The following CHTF18 variants were observed in gnomAD, a reference collection of about 807,000 sequenced individuals.
CHTF18 encodes the protein chromosome transmission fidelity protein 18 homolog.
Under a neutral mutation model 113.4 loss-of-function variants are expected in CHTF18, and 151 were observed. The observed-to-expected ratio is 1.33, with a 90% CI of 1.17 to 1.52. The LOEUF (loss-of-function observed/expected upper bound fraction) is 1.52. CHTF18 is among the 40% of genes most tolerant of loss of function. CHTF18 has a pLI of 0.00. For missense variants in CHTF18, 1,982 were observed against 1,381.6 expected (o/e 1.43, Z -6.89); for synonymous variants, 916 against 598.8 (o/e 1.53, Z -7.74).
Position 796,811 on chromosome 16 carries a change from G to C in CHTF18, c.2551G>C (p.Glu851Gln), listed in dbSNP as rs77488103. ...KQLIAREIEV[E>Q]KMRRAEASAR... is the part of the protein sequence containing the mutation. ...GCTCATCGCCCGCGAGATCGAGGTG[G>C]AGAAGATGCGGCGGGCGGAGGCTTC... Residue 851 changes from glutamate (E) to glutamine (Q), a missense_variant, in exon 19 of 22, where the codon GAG becomes CAG. Coordinates refer to ENST00000262315, the MANE Select transcript of CHTF18 (RefSeq NM_022092.3). 975 of 1,611,588 alleles carry C rather than the reference G, an allele frequency of 6.0e-4. 16 individuals are homozygous for C. The East Asian group carries it at 0.019, about 32-fold the overall frequency.
At position 792,967 on chromosome 16, in the gene CHTF18, T is replaced by C. The variant is rs1434045936; in HGVS notation, c.1574T>C (p.Val525Ala). 1 of 1,555,496 alleles carries C rather than the reference T, an allele frequency of 6.4e-7. No individual in the cohort carries two copies. Among genetic ancestry groups the C allele is most frequent in the East Asian group, 2.4e-5 (1 of 41,164 alleles). The change falls in exon 13 of 22, where the codon GTC becomes GCC. Residue 525 changes from valine to alanine, a missense_variant and splice_region_variant. Val to Ala is a moderately conservative substitution (Grantham distance 64). Coordinates refer to ENST00000262315, the MANE Select transcript of CHTF18 (RefSeq NM_022092.3). ...PSRLVQRLQEVSLRQGMRADP... is the reference protein window; with the variant it reads ...PSRLVQRLQEASLRQGMRADP... ...CCTCCAGCAGCCCTTCTCCACCAGG[T>C]CTCCCTGCGGCAGGGCATGAGGGCC...
In CHTF18 at chr16:789,216, G is replaced by A. The variant is rs2042090919; in HGVS notation, c.293G>A (p.Arg98Lys). The change falls in exon 3 of 22, where the codon AGG (arginine) becomes AAG (lysine). Residue 98 changes from arginine (R) to lysine (K), a missense_variant. By Grantham distance (26) the Arg-to-Lys change is conservative. Coordinates refer to ENST00000262315, the MANE Select transcript of CHTF18 (RefSeq NM_022092.3). ...QPAGSLPHAPRIKRPRLQVVK... is the reference protein window; with the variant it reads ...QPAGSLPHAPKIKRPRLQVVK... ...CTGCATGTGTCTCCCCCAGCCCCCA[G>A]GATCAAACGGCCTAGGCTGCAGGTG... 3 of 1,551,350 alleles carry A rather than the reference G, an allele frequency of 1.9e-6. No individual in the cohort carries two copies. The highest frequency in any genetic ancestry group is 1.2e-5 in the South Asian group (1 of 84,236).
intron 4 of CHTF18, 82 bp downstream of exon 4, chr16:789,797 T>C: frequency 6.9e-7 from 1 of 1,446,708 alleles, no homozygotes; most frequent in Non-Finnish European, 9.2e-7. Flanking sequence ...ACCCCTGCCA[T>C]TTGCTTAAAG....
At position 789,001 on chromosome 16, in the gene CHTF18, G is replaced by A. The variant is rs751423936; in HGVS notation, c.162G>A (p.Glu54=). The change falls in exon 2 of 22, where the codon GAG becomes GAA. Residue 54 remains glutamate, a synonymous_variant. Transcript: ENST00000262315. ...GCCGACCCCCGCGGACGTTCGAGGA[G>A]GCCCTTGCCAGAGGGGACGCGGCCT... The part of the protein sequence containing the change: ...TAGRPPRTFE[E]ALARGDAASS... 6.4e-7 allele frequency: 1 copy of A among 1,558,920 alleles called. No individual in the cohort carries two copies.
chr16:793,697 C>G (rs1386072044), intron 14 of CHTF18: 1 of 616,782 alleles, frequency 1.6e-6, no homozygotes, highest in Non-Finnish European at 3.0e-6. Context: ...GCCATGGGAC[C>G]CCAGGGGATG....
chr16:796,858 C>G lies in CHTF18; in HGVS notation c.2598C>G (p.Pro866=). ...CTTCTGCCCGGGTAGAGAACAGCCC[C>G]CAGGTGAGCCCACCCAGGCTCTGGA... ...AEASARVENS[P]QVDGSPPGLE... Residue 866 remains proline (P), a synonymous_variant, in exon 19 of 22, where the codon CCC becomes CCG. Transcript: ENST00000262315. The G allele has an allele frequency of 6.3e-7, 1 of 1,594,102 alleles. No individual in the cohort carries two copies. The highest frequency in any genetic ancestry group is 1.1e-5 in the South Asian group (1 of 88,812).
intron 15 of CHTF18, 105 bp downstream of exon 15, chr16:794,306 G>C: frequency 7.3e-7 from 1 of 1,367,664 alleles, no homozygotes; most frequent in Non-Finnish European, 1.0e-6. Context: ...GGCGCTTTGG[G>C]GGTGCTGAGA....
chr16:794,817 G>T (rs2042293196), intron 15 of CHTF18: 2 of 411,552 alleles, frequency 4.9e-6, no homozygotes, highest in Non-Finnish European at 4.5e-6. Flanking sequence ...AGTGAGGCTG[G>T]ATCCCTTTGG....
intron 3 of CHTF18, 81 bp downstream of exon 3, chr16:789,441 C>T (rs2042104967): frequency 5.9e-6 from 9 of 1,536,296 alleles, no homozygotes; most frequent in African/African-American, 2.7e-5. Flanking sequence ...CTGGATGAGG[C>T]CTGGGGGGTG....
rs370280399 is a variant in CHTF18, at chr16:790,350, C to T, written c.703C>T (p.Arg235Trp). The T allele has an allele frequency of 4.6e-5, 74 of 1,610,944 alleles. No individual in the cohort carries two copies. Among genetic ancestry groups the T allele is most frequent in the Non-Finnish European group, 5.7e-5 (67 of 1,179,398 alleles). The change falls in exon 6 of 22, where the codon CGG (arginine) becomes TGG (tryptophan). Residue 235 changes from arginine (R) to tryptophan (W), a missense_variant. Transcript: ENST00000262315. ...SLKKQVDGERRERLLQEAQKL... is the reference protein window; with the variant it reads ...SLKKQVDGERWERLLQEAQKL... Reference sequence around the variant, plus strand: ...TTCCAGCCTGTTGTTTGCACAGCGGCGGGAGCGGCTGCTTCAGGAGGCCCA... The same window carrying T: ...TTCCAGCCTGTTGTTTGCACAGCGGTGGGAGCGGCTGCTTCAGGAGGCCCA...
chr16:795,753 G>T lies in CHTF18; in HGVS notation c.2244G>T (p.Thr748=). 1 of 1,608,210 alleles carries T rather than the reference G, an allele frequency of 6.2e-7. No individual in the cohort carries two copies. The highest frequency in any genetic ancestry group is 8.5e-7 in the Non-Finnish European group (1 of 1,178,518). The change falls in exon 17 of 22, where the codon ACG becomes ACT. Residue 748 remains threonine, a synonymous_variant. Transcript: ENST00000262315. Reference sequence around the variant, plus strand: ...TGGTGTCCGGCATCGCGCCAGCCACGCGCAGCCGGGCCACGCCCCAGGCCC... The same window carrying T: ...TGGTGTCCGGCATCGCGCCAGCCACTCGCAGCCGGGCCACGCCCCAGGCCC... The part of the protein sequence containing the change: ...QTLVSGIAPA[T]RSRATPQALL...
intron 4 of CHTF18, 30 bp downstream of exon 4, chr16:789,745 G>A (rs1313477481): frequency 6.4e-7 from 1 of 1,554,282 alleles, no homozygotes; most frequent in Non-Finnish European, 8.7e-7. Context: ...CTGCACGGTG[G>A]GTGGGCCAGT....
intron 18 of CHTF18, 22 bp from the exon 19 acceptor site, chr16:796,695 G>C (rs753400996): frequency 2.4e-5 from 38 of 1,577,738 alleles, no homozygotes; most frequent in South Asian, 1.1e-5. Context: ...GACCTGCCCT[G>C]GTGTCCCCCT....
rs747625187 is a variant in CHTF18, at chr16:796,974, C to T, written c.2615C>T (p.Pro872Leu). The part of the protein sequence containing the change: ...VENSPQVDGS[P>L]PGLEGLLGGI... ...TGCTCCCTACAGGTGGATGGGAGCC[C>T]CCCAGGGCTCGAGGGTCTGCTGGGG... Residue 872 changes from proline (P) to leucine (L), a missense_variant, in exon 20 of 22, where the codon CCC (proline) becomes CTC (leucine). Coordinates refer to ENST00000262315, the MANE Select transcript of CHTF18 (RefSeq NM_022092.3). 2.0e-6 allele frequency: 3 copies of T among 1,527,694 alleles called. No homozygotes were observed. The highest frequency in any genetic ancestry group is 2.8e-5 in the African/African-American group (2 of 71,996). The allele number at this position is 1,527,694 out of a possible 1,614,324, so 94.6% of individuals were successfully genotyped here.
In CHTF18 at chr16:791,149, T is replaced by TCCTTCCCGC. The variant is rs2042184446; in HGVS notation, c.895-11_895-3dup. On this transcript the variant is annotated splice_polypyrimidine_tract_variant and intron_variant, in intron 7 of 21. Transcript: ENST00000262315. The stretch of plus-strand genomic sequence containing the variant: ...CCCTCAGGCTGTGCTTCCCTTCCCG[T>TCCTTCCCGC]CCTTCCCGCAGTTCACCAACCGCTG... 1 of 1,605,774 alleles carries TCCTTCCCGC rather than the reference T, an allele frequency of 6.2e-7. No homozygotes were observed. The highest frequency in any genetic ancestry group is 1.3e-5 in the African/African-American group (1 of 74,968).
intron 15 of CHTF18, 29 bp downstream of exon 15, chr16:794,230 T>C (rs2042278044): frequency 6.2e-7 from 1 of 1,602,692 alleles, no homozygotes; most frequent in East Asian, 2.2e-5. Flanking sequence ...AATGCCTGCC[T>C]GGGGCCGCCT....
chr16:789,861 G>A (rs536214880), intron 4 of CHTF18, 146 bp downstream of exon 4: 51 of 1,327,626 alleles, frequency 3.8e-5, no homozygotes, highest in South Asian at 2.6e-4. Flanking sequence ...GTCATGGGGC[G>A]TAGACTTAGA....
chr16:790,275 G>A lies in CHTF18; in HGVS notation c.699+6G>A. The A allele has an allele frequency of 6.2e-7, 1 of 1,608,052 alleles. No individual in the cohort carries two copies. The highest frequency in any genetic ancestry group is 8.5e-7 in the Non-Finnish European group (1 of 1,178,178). ...AGAAGCAGGTCGACGGCGAGGTAGG[G>A]GCTGCGGGTTTGCTGGGGGGCGGTG... On this transcript the variant is annotated splice_donor_region_variant and intron_variant, in intron 5 of 21. Transcript: ENST00000262315.
chr16:797,438 A>C (rs1037902356), intron 20 of CHTF18, among the ~76,000 whole-genome samples: 3 of 152,134 alleles, frequency 2.0e-5, no homozygotes, highest in African/African-American at 7.2e-5. Context: ...TACCCTCAGC[A>C]TGACCAGGGT....
Sources: allele counts gnomAD v4.1 joint callset (sites outside exome capture counted in the v4.1 genomes callset), GRCh38; gene constraint gnomAD v4.1.1; transcripts MANE v1.5; gene names NCBI Gene and HGNC (gene_info 2026-07-23, HGNC 2026-07-21).